The following DSCAM variants were observed in gnomAD, a reference collection of about 807,000 sequenced individuals.
DSCAM encodes cell adhesion molecule DSCAM.
Under a neutral mutation model 217.7 loss-of-function variants are expected in DSCAM, and 47 were observed. The observed-to-expected ratio is 0.22, with a 90% CI of 0.17 to 0.28. DSCAM has a LOEUF of 0.28. DSCAM is among the 10% of genes least tolerant of loss of function. DSCAM has a pLI of 1.00. For synonymous variants in DSCAM, 1,056 were observed against 1,015.3 expected (o/e 1.04, Z -0.76); for missense variants, 2,080 against 2,618.3 (o/e 0.79, Z 4.49).
chr21:40,156,559 T>C (rs1273115187), intron 16 of DSCAM, among the ~76,000 whole-genome samples: 1 of 152,080 alleles, frequency 6.6e-6, no homozygotes, highest in Admixed American at 6.6e-5. Flanking sequence ...CATTTTTGAG[T>C]GGGGCACTGC....
chr21:40,722,078 T>A (rs1352533598), intron 1 of DSCAM, among the ~76,000 whole-genome samples: 1 of 152,080 alleles, frequency 6.6e-6, no homozygotes, highest in Non-Finnish European at 1.5e-5. Context: ...AAGCTCTATA[T>A]GCAGAAAAAT....
intron 10 of DSCAM, among the ~76,000 whole-genome samples, chr21:40,280,256 G>T (rs1023950223): frequency 7.2e-6 from 1 of 138,724 alleles, no homozygotes; most frequent in Non-Finnish European, 1.5e-5. Context: ...ATCATAGCTC[G>T]CTGTGGCCTC....
intron 1 of DSCAM, among the ~76,000 whole-genome samples, chr21:40,789,839 G>A (rs1175287465): frequency 6.6e-6 from 1 of 152,160 alleles, no homozygotes; most frequent in Non-Finnish European, 1.5e-5. Context: ...ACAGGCGTGA[G>A]CCACCGTGCC....
intron 11 of DSCAM, 75 bp downstream of exon 11, chr21:40,276,022 A>C (rs1191439311): frequency 2.1e-6 from 3 of 1,427,630 alleles, no homozygotes; most frequent in Non-Finnish European, 1.9e-6. Flanking sequence ...GTATGTATGG[A>C]GACAATTGAA....
intron 11 of DSCAM, among the ~76,000 whole-genome samples, chr21:40,216,631 T>A (rs1027006927): frequency 3.3e-5 from 5 of 152,210 alleles, no homozygotes; most frequent in Non-Finnish European, 7.3e-5. Flanking sequence ...CTGTTTAAAC[T>A]AGATTTATGC....
At chr21:40,537,701 A>G (rs2076510265) in intron 3 of DSCAM, among the ~76,000 whole-genome samples, 1 of 152,210 alleles carries the variant, frequency 6.6e-6, no homozygotes, top group Non-Finnish European at 1.5e-5. Flanking sequence ...TGATGAAGGC[A>G]GAGATGAAAT....
chr21:40,312,280 T>C lies in DSCAM; in HGVS notation c.1863A>G (p.Ser621=), dbSNP rs751062734. 5.6e-6 allele frequency: 9 copies of C among 1,614,120 alleles called. No homozygotes were observed. In the East Asian group the frequency reaches 8.9e-5, roughly 16 times the overall value. Residue 621 remains serine, a synonymous_variant, in exon 9 of 33, where the codon TCA becomes TCG. Transcript: ENST00000400454. The part of the protein sequence containing the change: ...QRVFIPCVVV[S]GDLPITITWQ... Reference sequence around the variant, plus strand: ...AGGTGATCGTGATGGGTAAGTCCCCTGAGACCACAACACAGGGGATGAAGA... The same window carrying C: ...AGGTGATCGTGATGGGTAAGTCCCCCGAGACCACAACACAGGGGATGAAGA...
intron 3 of DSCAM, among the ~76,000 whole-genome samples, chr21:40,608,299 A>G (rs1355678985): frequency 6.6e-6 from 1 of 152,246 alleles, no homozygotes; most frequent in Non-Finnish European, 1.5e-5. Flanking sequence ...TATTTTGAAA[A>G]TATATTTGAA....
intron 3 of DSCAM, among the ~76,000 whole-genome samples, chr21:40,500,889 C>T (rs2076165542): frequency 6.6e-6 from 1 of 152,172 alleles, no homozygotes; most frequent in South Asian, 2.1e-4. Context: ...CAGCCAGCCT[C>T]CTGGGGCTCA....
intron 1 of DSCAM, among the ~76,000 whole-genome samples, chr21:40,842,015 G>A (rs1053281271): frequency 6.6e-6 from 1 of 152,224 alleles, no homozygotes; most frequent in Non-Finnish European, 1.5e-5. Context: ...GATCGTGGGG[G>A]AGGCGTCTTC....
At chr21:40,510,508 C>T (rs531858710) in intron 3 of DSCAM, among the ~76,000 whole-genome samples, 1 of 152,276 alleles carries the variant, frequency 6.6e-6, no homozygotes, top group South Asian at 2.1e-4. Context: ...TGACGATTGA[C>T]AAAGGTTTAT....
intron 11 of DSCAM, among the ~76,000 whole-genome samples, chr21:40,220,572 T>A (rs2091281304): frequency 6.6e-6 from 1 of 152,168 alleles, no homozygotes; most frequent in Admixed American, 6.6e-5. Flanking sequence ...ATAAAGAAAT[T>A]TGATGTTATG....
intron 1 of DSCAM, among the ~76,000 whole-genome samples, chr21:40,763,216 C>A (rs1038643770): frequency 2.0e-4 from 31 of 152,140 alleles, no homozygotes; most frequent in African/African-American, 7.2e-4. Context: ...CCCTAAAACT[C>A]CTTAAGCTGA....
intron 3 of DSCAM, among the ~76,000 whole-genome samples, chr21:40,385,583 A>C (rs2837600): frequency 6.6e-6 from 1 of 151,904 alleles, no homozygotes; most frequent in African/African-American, 2.4e-5. Context: ...CATTGACAGA[A>C]TTTGTGTTTT....
At chr21:40,508,864 C>A (rs989923971) in intron 3 of DSCAM, among the ~76,000 whole-genome samples, 13 of 137,334 alleles carry the variant, frequency 9.5e-5, no homozygotes, top group Non-Finnish European at 1.8e-4. Flanking sequence ...TCTCAAACTT[C>A]TGGCCTCAAG....
At chr21:40,474,406 A>G (rs1335456286) in intron 3 of DSCAM, among the ~76,000 whole-genome samples, 1 of 152,102 alleles carries the variant, frequency 6.6e-6, no homozygotes, top group Non-Finnish European at 1.5e-5. Flanking sequence ...GTTCCTTTGC[A>G]GCATATAATA....
rs568081430 is a variant in DSCAM, at chr21:40,609,038, T to C, written c.508+83772A>G. ...GGCACAATCATGGCTCACTGCAGCC[T>C]CGAGCTCCTGGGCTCAAGCAGTCCT... On this transcript the variant is annotated intron_variant, in intron 3 of 32. Coordinates refer to ENST00000400454, the MANE Select transcript of DSCAM (RefSeq NM_001389.5). 2.2e-4 allele frequency among the ~76,000 whole-genome samples: 34 copies of C among 152,296 alleles called. No individual in the cohort carries two copies. In the South Asian group the frequency reaches 6.4e-3, roughly 29 times the overall value.
At chr21:40,236,857 G>A (rs1393413446) in intron 11 of DSCAM, among the ~76,000 whole-genome samples, 1 of 152,176 alleles carries the variant, frequency 6.6e-6, no homozygotes, top group Non-Finnish European at 1.5e-5. Context: ...GGCTGCCAAT[G>A]TCACCAGGCA....
chr21:40,609,143 T>C (rs2089280767), intron 3 of DSCAM, among the ~76,000 whole-genome samples: 1 of 152,022 alleles, frequency 6.6e-6, no homozygotes, highest in African/African-American at 2.4e-5. Flanking sequence ...TTAGAAAAGA[T>C]GGGATTTTGC....
Sources: gnomAD v4.1 joint callset for allele counts (sites outside exome capture counted in the v4.1 genomes callset) on GRCh38, gnomAD v4.1.1 for gene constraint, MANE v1.5 for transcripts, NCBI Gene and HGNC (gene_info 2026-07-23, HGNC 2026-07-21) for gene names.